The following USH1C variants were observed in gnomAD, a reference collection of about 807,000 sequenced individuals.
USH1C encodes the protein harmonin.
A neutral mutation model predicts 119.3 loss-of-function variants in USH1C; 90 were observed. The ratio of observed to expected loss-of-function variants is 0.75; its 90% CI spans 0.64 to 0.90. The LOEUF is 0.90. USH1C is among the 40% of genes least tolerant of loss of function. USH1C has a pLI of 0.00. For synonymous variants in USH1C, 465 were observed against 443.3 expected (o/e 1.05, Z -0.62); for missense variants, 1,165 against 1,167.7 (o/e 1.00, Z 0.03).
At chr11:17,529,461 T>C (rs190076977) in intron 4 of USH1C, among the ~76,000 whole-genome samples, 2 of 152,340 alleles carry the variant, frequency 1.3e-5, no homozygotes, top group Admixed American at 1.3e-4. Flanking sequence ...CTGAACCTGC[T>C]CATCCCCTGC....
At chr11:17,527,093 C>T in intron 5 of USH1C, 53 bp from the exon 6 acceptor site, 2 of 1,447,670 alleles carry the variant, frequency 1.4e-6, no homozygotes, top group South Asian at 2.5e-5. Context: ...TCCCTCCCTC[C>T]CACCGTCATG....
At position 17,537,425 on chromosome 11, in the gene USH1C, T is replaced by C. The variant is rs959319818; in HGVS notation, c.37-4103A>G. Among the ~76,000 whole-genome samples the C allele has an allele frequency of 2.0e-5, 3 of 152,216 alleles. No homozygotes were observed. The East Asian group carries it at 5.8e-4, about 29-fold the overall frequency. ...TTTCCCTGTGGAACCCAGAACCATG[T>C]CATGCACACAAGCGCACGGTGCCCA... On this transcript the variant is annotated intron_variant, in intron 1 of 26. Transcript: ENST00000005226.
intron 2 of USH1C, among the ~76,000 whole-genome samples, chr11:17,532,207 C>A (rs1592025615): frequency 6.6e-6 from 1 of 152,350 alleles, no homozygotes; most frequent in African/African-American, 2.4e-5. Context: ...TCCATTCACA[C>A]CCTTGCTTTC....
At position 17,522,892 on chromosome 11, in the gene USH1C, A is replaced by G. The variant is rs1850478409; in HGVS notation, c.911T>C (p.Leu304Pro). The change falls in exon 12 of 27, where the codon CTG (leucine) becomes CCG (proline). Residue 304 changes from leucine (L) to proline (P), a missense_variant. Leu to Pro is a moderately conservative substitution (Grantham distance 98). Transcript: ENST00000005226. ...RELFMTDRER[L>P]AEARQRELQR... ...CAGCTCACGCTGCCGCGCCTCTGCC[A>G]GCCGCTCCCGGTCTGTCATGAACAG... is the stretch of plus-strand genomic sequence containing the variant. The G allele has an allele frequency of 6.2e-7, 1 of 1,612,922 alleles. No individual in the cohort carries two copies. The highest frequency in any genetic ancestry group is 8.5e-7 in the Non-Finnish European group (1 of 1,179,580).
intron 4 of USH1C, among the ~76,000 whole-genome samples, chr11:17,527,858 C>CAT (rs1224665888): frequency 6.6e-6 from 1 of 152,018 alleles, no homozygotes; most frequent in Non-Finnish European, 1.5e-5. Flanking sequence ...CACACACACA[C>CAT]ATATGATTTT....
intron 9 of USH1C, 51 bp from the exon 10 acceptor site, chr11:17,523,529 G>A (rs76940864): frequency 7.6e-5 from 121 of 1,591,330 alleles, no homozygotes; most frequent in East Asian, 4.2e-4. Context: ...CTGTACACTC[G>A]CTCATCTGCA....
intron 8 of USH1C, 39 bp downstream of exon 8, chr11:17,526,308 A>G: frequency 6.4e-7 from 1 of 1,553,732 alleles, no homozygotes. Context: ...GCTGGGGTGC[A>G]CTGGCCACGA....
intron 4 of USH1C, among the ~76,000 whole-genome samples, chr11:17,529,940 C>A (rs113642291): frequency 6.6e-6 from 1 of 152,224 alleles, no homozygotes; most frequent in Non-Finnish European, 1.5e-5. Context: ...CCTCAGCTGA[C>A]GCCAAGAGAG....
At chr11:17,529,502 G>C (rs1356710832) in intron 4 of USH1C, among the ~76,000 whole-genome samples, 1 of 152,182 alleles carries the variant, frequency 6.6e-6, no homozygotes, top group Non-Finnish European at 1.5e-5. Context: ...TTGCCCTCAG[G>C]CATGAGATCT....
chr11:17,498,178 G>C lies in USH1C; in HGVS notation c.2474C>G (p.Ala825Gly), dbSNP rs1565018184. The change falls in exon 24 of 27, where the codon GCC becomes GGC. Residue 825 changes from alanine to glycine, a missense_variant. By Grantham distance (60) the Ala-to-Gly change is moderately conservative. Transcript: ENST00000005226. Reference protein sequence around the residue: ...LAEAEAALQKAWNQGGDWIDL... With the variant: ...LAEAEAALQKGWNQGGDWIDL... Reference sequence around the variant, plus strand: ...TATTCTTACCCCGCCCTGATTCCAGGCCTTCTGCAGGGCAGCCTCAGCCTC... The same window carrying C: ...TATTCTTACCCCGCCCTGATTCCAGCCCTTCTGCAGGGCAGCCTCAGCCTC... 1 of 1,614,142 alleles carries C rather than the reference G, an allele frequency of 6.2e-7. No individual in the cohort carries two copies. The highest frequency in any genetic ancestry group is 2.2e-5 in the East Asian group (1 of 44,872).
At position 17,531,368 on chromosome 11, in the gene USH1C, C is replaced by G. The variant is rs375578968; in HGVS notation, c.248+31G>C. 9 of 1,613,790 alleles carry G rather than the reference C, an allele frequency of 5.6e-6. No individual in the cohort carries two copies. The highest frequency in any genetic ancestry group is 5.0e-5 in the Admixed American group (3 of 59,980). ...CCCGCCCAGGGTGATCTCTCCACCCCCTGCCTCCAGCCTGGTGGCTTCCTC... is the reference window on the plus strand; with the variant it reads ...CCCGCCCAGGGTGATCTCTCCACCCGCTGCCTCCAGCCTGGTGGCTTCCTC... On this transcript the variant is annotated intron_variant, in intron 3 of 26. Coordinates refer to ENST00000005226, the MANE Select transcript of USH1C (RefSeq NM_153676.4). The surrounding 1 kb of genome is among the most constrained non-coding windows in gnomAD (Gnocchi z 4.2).
At chr11:17,526,848 G>A (rs775419002) in intron 6 of USH1C, 38 bp from the exon 7 acceptor site, 128 of 1,592,754 alleles carry the variant, frequency 8.0e-5, no homozygotes, top group East Asian at 3.9e-4. Context: ...GGTGGTTAGC[G>A]AGAGACGTTT....
chr11:17,531,169 G>C lies in USH1C; in HGVS notation c.372C>G (p.Asp124Glu), dbSNP rs1592022542. 1 of 1,614,112 alleles carries C rather than the reference G, an allele frequency of 6.2e-7. No individual in the cohort carries two copies. Among genetic ancestry groups the C allele is most frequent in the Non-Finnish European group, 8.5e-7 (1 of 1,180,034 alleles). The stretch of plus-strand genomic sequence containing the variant: ...GTTTGCTCACCTGGAGCCCGACGCT[G>C]TCTGCCTGACCGCCTTTGATGAGGT... ...ISHLIKGGQA[D>E]SVGLQVGDEI... Residue 124 changes from aspartate (D) to glutamate (E), a missense_variant, in exon 4 of 27, where the codon GAC becomes GAG. By Grantham distance (45) the Asp-to-Glu change is conservative. Coordinates refer to ENST00000005226, the MANE Select transcript of USH1C (RefSeq NM_153676.4). This position sits in a 1 kb window ranked among gnomAD's most constrained non-coding sequence, Gnocchi z 4.2.
At chr11:17,521,745 C>G (rs1018141523) in intron 12 of USH1C, among the ~76,000 whole-genome samples, 7 of 152,182 alleles carry the variant, frequency 4.6e-5, no homozygotes, top group South Asian at 2.1e-4. Context: ...AGGAGCAAAG[C>G]AGGGGCTCCT....
intron 1 of USH1C, among the ~76,000 whole-genome samples, chr11:17,539,833 C>CTTTTTTTTTTTTTTTT (rs34881002): frequency 1.6e-5 from 2 of 126,190 alleles, no homozygotes; most frequent in Admixed American, 8.0e-5. Flanking sequence ...CTTTCTTTTT[C>CTTTTTTTTTTTTTTTT]TTTTTTTTTT....
At chr11:17,512,103 G>GATAGC (rs768425519) in intron 15 of USH1C, 49 bp from the exon 16 acceptor site, 2 of 1,599,188 alleles carry the variant, frequency 1.3e-6, no homozygotes, top group South Asian at 1.1e-5. Context: ...AAATAGTGTC[G>GATAGC]ACAGCACAGC....
chr11:17,516,456 T>C, intron 14 of USH1C, 166 bp from the exon 15 acceptor site: 2 of 722,712 alleles, frequency 2.8e-6, no homozygotes, highest in East Asian at 2.8e-5. Context: ...TCGGCTTACC[T>C]GGCCTTGCCT....
Position 17,512,002 on chromosome 11 carries a change from T to C in USH1C, c.1313A>G (p.Lys438Arg). ...AKYGSLQDLRKNKKELEFEQK... is the reference protein window; with the variant it reads ...AKYGSLQDLRRNKKELEFEQK... The stretch of plus-strand genomic sequence containing the variant: ...CTCAAACTCCAGTTCTTTCTTATTC[T>C]TTCTCAAGTCCTGCAGGCTGCCATA... Residue 438 changes from lysine to arginine, a missense_variant, in exon 16 of 27, where the codon AAG becomes AGG. Coordinates refer to ENST00000005226, the MANE Select transcript of USH1C (RefSeq NM_153676.4). 6.2e-7 allele frequency: 1 copy of C among 1,614,272 alleles called. No individual in the cohort carries two copies.
At chr11:17,507,281 A>G (rs1035078094) in intron 18 of USH1C, among the ~76,000 whole-genome samples, 1 of 152,220 alleles carries the variant, frequency 6.6e-6, no homozygotes, top group Non-Finnish European at 1.5e-5. Context: ...TGAGGCTGGG[A>G]CAACCCTGGC....
Sources: gnomAD v4.1 joint callset for allele counts (sites outside exome capture counted in the v4.1 genomes callset) on GRCh38, gnomAD v4.1.1 for gene constraint, Gnocchi (gnomAD v3.1) non-coding constraint, MANE v1.5 for transcripts, NCBI Gene and HGNC (gene_info 2026-07-23, HGNC 2026-07-21) for gene names.